Variants in TBC1D10C observed in about 807,000 individuals in gnomAD.
TBC1D10C encodes the protein carabin.
A neutral mutation model predicts 51.0 loss-of-function variants in TBC1D10C; 49 were observed. The ratio of observed to expected loss-of-function variants is 0.96; its 90% CI spans 0.76 to 1.22. The LOEUF is 1.22. Ranked by LOEUF, TBC1D10C falls within the 50% of genes most tolerant of loss-of-function variation. The pLI is 0.00. For synonymous variants in TBC1D10C, 281 were observed against 266.7 expected (o/e 1.05, Z -0.52); for missense variants, 541 against 617.5 (o/e 0.88, Z 1.31).
intron 1 of TBC1D10C, chr11:67,404,866 C>T (rs1407824416): frequency 7.3e-6 from 4 of 550,294 alleles, no homozygotes; most frequent in Non-Finnish European, 1.3e-5. Flanking sequence ...TACACACCCA[C>T]TCACCCCTTC....
In TBC1D10C at chr11:67,404,596, C is replaced by G. The variant is rs138074757; in HGVS notation, c.152+242C>G. Among the ~76,000 whole-genome samples the G allele has an allele frequency of 2.6e-4, 39 of 152,266 alleles. No homozygotes were observed. The East Asian group carries it at 7.3e-3, about 29-fold the overall frequency. On this transcript the variant is annotated intron_variant, in intron 1 of 8. Coordinates refer to ENST00000542590, the MANE Select transcript of TBC1D10C (RefSeq NM_001369496.1). Reference sequence around the variant, plus strand: ...CCCACTACTGGGGCAGAACATCCTTCCCCTTTGAACCTCTGGCTCAGGAAT... The same window carrying G: ...CCCACTACTGGGGCAGAACATCCTTGCCCTTTGAACCTCTGGCTCAGGAAT...
intron 5 of TBC1D10C, chr11:67,406,286 G>T: frequency 2.0e-6 from 1 of 511,348 alleles, no homozygotes; most frequent in Non-Finnish European, 3.4e-6. Flanking sequence ...TTCTGAACTT[G>T]GGGACTGCGA....
At chr11:67,406,532 G>A (rs1183197971) in intron 5 of TBC1D10C, 95 bp from the exon 6 acceptor site, 3 of 1,154,524 alleles carry the variant, frequency 2.6e-6, no homozygotes, top group African/African-American at 1.5e-5. Context: ...TGGTGCCCAG[G>A]CCCTCCCCTT....
In TBC1D10C at chr11:67,405,153, G is replaced by T. The variant is rs1420927465; in HGVS notation, c.221G>T (p.Trp74Leu). The T allele has an allele frequency of 7.1e-6, 11 of 1,551,514 alleles. No individual in the cohort carries two copies. Among genetic ancestry groups the T allele is most frequent in the Non-Finnish European group, 9.6e-6 (11 of 1,146,952 alleles). ...AAGTGGGTGGAGATGACCTCGCACT[G>T]GGAGAAAACCATGTCCCGGCGGTAC... ...EMKWVEMTSHWEKTMSRRYKK... is the reference protein window; with the variant it reads ...EMKWVEMTSHLEKTMSRRYKK... The change falls in exon 2 of 9, where the codon TGG becomes TTG. Residue 74 changes from tryptophan to leucine, a missense_variant. Coordinates refer to ENST00000542590, the MANE Select transcript of TBC1D10C (RefSeq NM_001369496.1).
rs151087425 is a variant in TBC1D10C at position 67,405,147 on chromosome 11, C to T, written c.215C>T (p.Ser72Leu). Residue 72 changes from serine to leucine, a missense_variant, in exon 2 of 9, where the codon TCG (serine) becomes TTG (leucine). Coordinates refer to ENST00000542590, the MANE Select transcript of TBC1D10C (RefSeq NM_001369496.1). ...QREMKWVEMTSHWEKTMSRRY... is the reference protein window; with the variant it reads ...QREMKWVEMTLHWEKTMSRRY... Reference sequence around the variant, plus strand: ...GAGATGAAGTGGGTGGAGATGACCTCGCACTGGGAGAAAACCATGTCCCGG... The same window carrying T: ...GAGATGAAGTGGGTGGAGATGACCTTGCACTGGGAGAAAACCATGTCCCGG... 1.6e-4 allele frequency: 244 copies of T among 1,551,562 alleles called. No individual in the cohort carries two copies. Among genetic ancestry groups the T allele is most frequent in the Non-Finnish European group, 2.0e-4 (225 of 1,146,974 alleles).
chr11:67,405,752 C>T (rs778267622), intron 4 of TBC1D10C, 51 bp downstream of exon 4: 2 of 1,600,936 alleles, frequency 1.2e-6, no homozygotes, highest in African/African-American at 1.3e-5. Context: ...GCCCCAGGTG[C>T]TCCAGCCCAC....
chr11:67,406,880 T>C lies in TBC1D10C; in HGVS notation c.702T>C (p.Leu234=). The change falls in exon 7 of 9, where the codon CTT becomes CTC. Residue 234 remains leucine, a synonymous_variant. Transcript: ENST00000542590. ...EVFMALLRRL[L]PHVHKHLQQV... ...TCATGGCCCTGCTGCGGCGGCTGCT[T>C]CCGCACGTGCACAAGCACCTGCAGC... is the stretch of plus-strand genomic sequence containing the variant. 6.2e-7 allele frequency: 1 copy of C among 1,610,686 alleles called. No homozygotes were observed.
Position 67,404,174 on chromosome 11 carries a change from T to C in TBC1D10C, c.-29T>C. Reference sequence around the variant, plus strand: ...TCACACTGGTTCTCCCCACTTTCTCTGCCTGTGGCATCGAAGGCCCCGGGC... The same window carrying C: ...TCACACTGGTTCTCCCCACTTTCTCCGCCTGTGGCATCGAAGGCCCCGGGC... On this transcript the variant is annotated 5_prime_UTR_variant, in exon 1 of 9. Coordinates refer to ENST00000542590, the MANE Select transcript of TBC1D10C (RefSeq NM_001369496.1). 1 of 1,478,410 alleles carries C rather than the reference T, an allele frequency of 6.8e-7. No homozygotes were observed. Among genetic ancestry groups the C allele is most frequent in the Non-Finnish European group, 9.0e-7 (1 of 1,111,548 alleles). 91.6% of individuals were successfully genotyped at this position (1,478,410 alleles called of 1,614,324 possible).
intron 5 of TBC1D10C, 144 bp from the exon 6 acceptor site, chr11:67,406,483 A>C (rs1863166634): frequency 2.5e-4 from 162 of 659,588 alleles, no homozygotes; most frequent in Non-Finnish European, 2.8e-4. Flanking sequence ...GCTTCCAGGA[A>C]CTGCGCAGGT....
chr11:67,405,730 C>A (rs1333045075), intron 4 of TBC1D10C, 29 bp downstream of exon 4: 1 of 1,611,328 alleles, frequency 6.2e-7, no homozygotes, highest in African/African-American at 1.3e-5. Flanking sequence ...CCAGGGACCC[C>A]CAGCCCCACA....
chr11:67,405,310 T>C, intron 2 of TBC1D10C, 89 bp from the exon 3 acceptor site: 6 of 1,513,364 alleles, frequency 4.0e-6, no homozygotes, highest in South Asian at 2.4e-5. Context: ...CCACCCAAAG[T>C]GGGCCCCTGC....
In TBC1D10C at chr11:67,405,179, A is replaced by G. The variant is rs1280097258; in HGVS notation, c.247A>G (p.Lys83Glu). 2 of 1,551,336 alleles carry G rather than the reference A, an allele frequency of 1.3e-6. No individual in the cohort carries two copies. The change falls in exon 2 of 9, where the codon AAG becomes GAG. Residue 83 changes from lysine (K) to glutamate (E), a missense_variant. Physicochemically the swap from Lys to Glu is moderately conservative, Grantham distance 56. Transcript: ENST00000542590. ...HWEKTMSRRY[K>E]KVKMQCRKGI... is the part of the protein sequence containing the mutation. ...GGAGAAAACCATGTCCCGGCGGTACAAGAAGGTGAGGGGGGCAGGGGCCCC... is the reference window on the plus strand; with the variant it reads ...GGAGAAAACCATGTCCCGGCGGTACGAGAAGGTGAGGGGGGCAGGGGCCCC...
In TBC1D10C at chr11:67,404,284, C is replaced by T. The variant is rs144990821; in HGVS notation, c.82C>T (p.Leu28Phe). ...DSSSLGSDSE[L>F]SGPGPYRQAD... ...CAGCTCCTTGGGGTCCGACTCAGAG[C>T]TCAGCGGGCCTGGCCCATATCGCCA... Residue 28 changes from leucine to phenylalanine, a missense_variant, in exon 1 of 9, where the codon CTC (leucine) becomes TTC (phenylalanine). Coordinates refer to ENST00000542590, the MANE Select transcript of TBC1D10C (RefSeq NM_001369496.1). The T allele has an allele frequency of 2.5e-6, 4 of 1,604,294 alleles. No homozygotes were observed. Among genetic ancestry groups the T allele is most frequent in the South Asian group, 2.2e-5 (2 of 90,822 alleles).
intron 5 of TBC1D10C, 130 bp from the exon 6 acceptor site, chr11:67,406,497 G>T: frequency 1.3e-6 from 1 of 782,958 alleles, no homozygotes. Flanking sequence ...CGCAGGTTAG[G>T]AGTGGCCCTG....
Position 67,409,150 on chromosome 11 carries a change from C to G in TBC1D10C, c.993+17C>G. ...ATGTCACAGGTGGGTACCCCCACCT[C>G]TCCTTGGACTTGCCCAGCCCCTGCT... On this transcript the variant is annotated intron_variant, in intron 8 of 8. Transcript: ENST00000542590. The G allele has an allele frequency of 6.4e-7, 1 of 1,573,814 alleles. No individual in the cohort carries two copies.
chr11:67,404,016 C>A (rs1863035752), upstream of TBC1D10C: 6 of 647,750 alleles, frequency 9.3e-6, no homozygotes, highest in South Asian at 3.6e-5. Flanking sequence ...GGACAGAGGC[C>A]TGGCTTTTCT....
rs1258448878 is a variant in TBC1D10C at position 67,409,902 on chromosome 11, C to A, written c.*148C>A. On this transcript the variant is annotated 3_prime_UTR_variant, in exon 9 of 9. Transcript: ENST00000542590. ...GGCAGTGGGGAAGGAGGAGGTCCTC[C>A]GTGGTACATACTGGGTCAGGCACTA... 2 of 694,338 alleles carry A rather than the reference C, an allele frequency of 2.9e-6. No homozygotes were observed. The highest frequency in any genetic ancestry group is 4.7e-6 in the Non-Finnish European group (2 of 425,348). The allele number at this position is 694,338 out of a possible 1,614,324, so 43.0% of individuals were successfully genotyped here. A position where few individuals can be genotyped will look rare whatever the true frequency, so the allele number is the denominator to read the frequency against.
chr11:67,407,580 C>T (rs1479079798), intron 7 of TBC1D10C: 1 of 153,212 alleles, frequency 6.5e-6, no homozygotes, highest in Admixed American at 6.5e-5. Flanking sequence ...CTGTGGAGGC[C>T]TGGGGCCAGA....
Position 67,405,080 on chromosome 11 carries a change from C to T in TBC1D10C, c.153-5C>T, listed in dbSNP as rs1332840896. The T allele has an allele frequency of 1.9e-6, 3 of 1,549,992 alleles. No individual in the cohort carries two copies. Among genetic ancestry groups the T allele is most frequent in the Non-Finnish European group, 1.7e-6 (2 of 1,146,430 alleles). On this transcript the variant is annotated splice_region_variant and splice_polypyrimidine_tract_variant and intron_variant, in intron 1 of 8. Coordinates refer to ENST00000542590, the MANE Select transcript of TBC1D10C (RefSeq NM_001369496.1). Reference sequence around the variant, plus strand: ...CGTCTGGATACCTGTGCCATGCACCCCCAGGCCGGGCCACCCACCTGCAGA... The same window carrying T: ...CGTCTGGATACCTGTGCCATGCACCTCCAGGCCGGGCCACCCACCTGCAGA...
Sources: gnomAD v4.1 joint callset for allele counts (sites outside exome capture counted in the v4.1 genomes callset) on GRCh38, gnomAD v4.1.1 for gene constraint, MANE v1.5 for transcripts, NCBI Gene and HGNC (gene_info 2026-07-23, HGNC 2026-07-21) for gene names.